The following OR51B5 variants were observed in gnomAD, a reference collection of about 807,000 sequenced individuals.
OR51B5 encodes the protein olfactory receptor family 51 subfamily B member 5.
For synonymous variants in OR51B5, 186 were observed against 144.8 expected (o/e 1.28, Z -2.04); for missense variants, 456 against 374.6 (o/e 1.22, Z -1.79).
intron 1 of OR51B5, among the ~76,000 whole-genome samples, chr11:5,477,179 G>A (rs1851321462): frequency 6.6e-6 from 1 of 152,058 alleles, no homozygotes; most frequent in Non-Finnish European, 1.5e-5. Flanking sequence ...CTCATCAACT[G>A]AATTTCGTGA....
At chr11:5,440,536 C>T (rs1406687496) in intron 1 of OR51B5, 39 of 1,490,752 alleles carry the variant, frequency 2.6e-5, no homozygotes, top group Non-Finnish European at 3.5e-5. Flanking sequence ...CCCAATCCTT[C>T]CTCCAAAGGA....
At chr11:5,342,248 A>G (rs1049969712), downstream of OR51B5, among the ~76,000 whole-genome samples, 3 of 152,206 alleles carry the variant, frequency 2.0e-5, no homozygotes, top group African/African-American at 7.2e-5. Flanking sequence ...TTATATTTTT[A>G]TGATTCTGTT....
chr11:5,409,379 TAACTA>T (rs1458358394), intron 1 of OR51B5, among the ~76,000 whole-genome samples: 1 of 152,088 alleles, frequency 6.6e-6, no homozygotes. Flanking sequence ...AACTTTGAAT[TAACTA>T]AAGTAAATCC....
chr11:5,411,407 G>A (rs1033403331), intron 1 of OR51B5, among the ~76,000 whole-genome samples: 1 of 152,026 alleles, frequency 6.6e-6, no homozygotes, highest in African/African-American at 2.4e-5. Flanking sequence ...AGTACAGTAT[G>A]ATGTTGGCAC....
At chr11:5,504,220 G>T (rs1420795754) in intron 1 of OR51B5, among the ~76,000 whole-genome samples, 1 of 152,128 alleles carries the variant, frequency 6.6e-6, no homozygotes, top group African/African-American at 2.4e-5. Context: ...AAATAACACT[G>T]ATGCTTAAAA....
At chr11:5,401,502 C>T (rs1849966841) in intron 1 of OR51B5, among the ~76,000 whole-genome samples, 2 of 152,222 alleles carry the variant, frequency 1.3e-5, no homozygotes, top group South Asian at 4.1e-4. Flanking sequence ...TAATTCTCTG[C>T]CACTTGCTCC....
chr11:5,343,079 C>G (rs201624543), exon 1 of OR51B5: 13 of 1,612,976 alleles, frequency 8.1e-6, no homozygotes, highest in African/African-American at 2.7e-5. Context: ...TACAAATCCC[C>G]TCATCAGAAC....
At chr11:5,396,239 G>T (rs1439200341) in intron 1 of OR51B5, among the ~76,000 whole-genome samples, 1 of 152,174 alleles carries the variant, frequency 6.6e-6, no homozygotes, top group East Asian at 1.9e-4. Flanking sequence ...GCAGGAGAAG[G>T]AAATAAAAGG....
chr11:5,388,244 A>G (rs908773794), intron 1 of OR51B5, among the ~76,000 whole-genome samples: 1 of 152,120 alleles, frequency 6.6e-6, no homozygotes, highest in African/African-American at 2.4e-5. Context: ...TATTAAAATT[A>G]AAAAAGAGAC....
intron 1 of OR51B5, among the ~76,000 whole-genome samples, chr11:5,465,751 C>A (rs987508864): frequency 7.0e-6 from 1 of 143,782 alleles, no homozygotes; most frequent in African/African-American, 2.6e-5. Flanking sequence ...AACTGGCTAG[C>A]CATATGTAGA....
At position 5,469,241 on chromosome 11, in the gene OR51B5, A is replaced by G. The variant is rs61743063; in HGVS notation, n.84+36328T>C. 1,415 of 160,216 alleles carry G rather than the reference A, an allele frequency of 8.8e-3. 21 individuals are homozygous for G. The highest frequency in any genetic ancestry group is 0.027 in the Middle Eastern group (9 of 328). 9.9% of individuals were successfully genotyped at this position (160,216 alleles called of 1,614,324 possible). A position where few individuals can be genotyped will look rare whatever the true frequency, so the allele number is the denominator to read the frequency against. On this transcript the variant is annotated intron_variant and non_coding_transcript_variant, in intron 1 of 4. Transcript: ENST00000415970. ...AGAAAAAAGAGACAGGAAGTAGTACATTGGCTGGTGCAAGCTCTGCTCTTC... is the reference window on the plus strand; with the variant it reads ...AGAAAAAAGAGACAGGAAGTAGTACGTTGGCTGGTGCAAGCTCTGCTCTTC...
intron 1 of OR51B5, among the ~76,000 whole-genome samples, chr11:5,361,008 G>GGGGGGA (rs1849276128): frequency 2.0e-4 from 29 of 146,758 alleles, no homozygotes; most frequent in Non-Finnish European, 3.5e-4. Flanking sequence ...GGGTCGGGGG[G>GGGGGGA]AGGGATAGCA....
At chr11:5,343,593 G>T (rs1848941956), upstream of OR51B5, 1 of 607,482 alleles carries the variant, frequency 1.6e-6, no homozygotes, top group Non-Finnish European at 2.9e-6. Context: ...CTACCTTCAA[G>T]GTATCACTTC....
chr11:5,465,401 T>C (rs1473674141), intron 1 of OR51B5, among the ~76,000 whole-genome samples: 2 of 151,994 alleles, frequency 1.3e-5, no homozygotes, highest in African/African-American at 4.8e-5. Flanking sequence ...ATAAATGTCT[T>C]CTTTTGAGAA....
intron 1 of OR51B5, among the ~76,000 whole-genome samples, chr11:5,401,073 T>C (rs1307102228): frequency 6.6e-6 from 1 of 152,210 alleles, no homozygotes; most frequent in African/African-American, 2.4e-5. Context: ...ATTCTAATGT[T>C]ATAACTGCTG....
intron 1 of OR51B5, among the ~76,000 whole-genome samples, chr11:5,384,720 T>C (rs982111879): frequency 6.6e-6 from 1 of 152,240 alleles, no homozygotes; most frequent in African/African-American, 2.4e-5. Context: ...AAATGCATTT[T>C]ATATGCTGGT....
rs142644013 is a variant in OR51B5 at position 5,484,738 on chromosome 11, G to A, written n.84+20831C>T. Among the ~76,000 whole-genome samples, 656 of 152,340 alleles carry A rather than the reference G, an allele frequency of 4.3e-3. 1 individual carries two copies. Among genetic ancestry groups the A allele is most frequent in the Non-Finnish European group, 7.3e-3 (500 of 68,028 alleles). On this transcript the variant is annotated intron_variant and non_coding_transcript_variant, in intron 1 of 4. Coordinates refer to the OR51B5 transcript ENST00000415970. ...CTGCCCAAGGACACAAAGCCAGGAAGTAGCAAACCTGGGCCTTGGCCCTTG... is the reference window on the plus strand; with the variant it reads ...CTGCCCAAGGACACAAAGCCAGGAAATAGCAAACCTGGGCCTTGGCCCTTG...
chr11:5,343,406 T>C (rs770131750), exon 1 of OR51B5: 3 of 1,613,542 alleles, frequency 1.9e-6, no homozygotes, highest in Admixed American at 1.7e-5. Context: ...GAGGGTGCCA[T>C]TGCCAAAAAG....
chr11:5,386,125 T>C (rs1220150570), intron 1 of OR51B5, among the ~76,000 whole-genome samples: 2 of 151,990 alleles, frequency 1.3e-5, no homozygotes, highest in Non-Finnish European at 2.9e-5. Context: ...TCTTAAAGGA[T>C]CCGCAAGTGT....
Sources: allele counts gnomAD v4.1 joint callset (sites outside exome capture counted in the v4.1 genomes callset), GRCh38; gene constraint gnomAD v4.1.1; transcripts MANE v1.5; gene names NCBI Gene and HGNC (gene_info 2026-07-23, HGNC 2026-07-21).